Variants in FANCI observed in about 807,000 individuals in gnomAD.
FANCI encodes FA complementation group I, also known as Fanconi anemia group I protein.
A neutral mutation model predicts 176.1 loss-of-function variants in FANCI; 156 were observed. The ratio of observed to expected loss-of-function variants is 0.89; its 90% CI spans 0.78 to 1.01. FANCI has a LOEUF of 1.01. FANCI is among the 50% of genes least tolerant of loss of function. FANCI has a pLI of 0.00. For synonymous variants in FANCI, 613 were observed against 541.7 expected, an observed-to-expected ratio of 1.13 and a Z score of -1.83; for missense variants, 1,678 against 1,534.1, an observed-to-expected ratio of 1.09 and a Z score of -1.57.
chr15:89,315,287 C>T lies in FANCI; in HGVS notation c.3822C>T (p.Asn1274=), dbSNP rs1170794438. 1 of 1,611,984 alleles carries T rather than the reference C, an allele frequency of 6.2e-7. No homozygotes were observed. Among genetic ancestry groups the T allele is most frequent in the Admixed American group, 1.7e-5 (1 of 60,006 alleles). Residue 1274 remains asparagine, a synonymous_variant, in exon 37 of 38, where the codon AAC becomes AAT. Coordinates refer to ENST00000310775, the MANE Select transcript of FANCI (RefSeq NM_001113378.2). ...TGCTTACAATCTTGTCATAGGTGAA[C>T]CTGATGCAGCACATGAAGCTCAGCA... ...LIHLSKKSKV[N]LMQHMKLSTS...
chr15:89,285,986 G>GTTTTTT (rs34746984), intron 18 of FANCI, among the ~76,000 whole-genome samples: 1 of 149,672 alleles, frequency 6.7e-6, no homozygotes, highest in Admixed American at 6.7e-5. Flanking sequence ...TCCAAACTTA[G>GTTTTTT]TTTTTTTTTT....
intron 32 of FANCI, among the ~76,000 whole-genome samples, chr15:89,307,082 A>G (rs1275259010): frequency 6.6e-6 from 1 of 152,170 alleles, no homozygotes; most frequent in Non-Finnish European, 1.5e-5. Context: ...GATGTGGACC[A>G]CCCCGCATCA....
At chr15:89,314,826 A>AC (rs2055143098) in intron 36 of FANCI, 119 bp downstream of exon 36, 3 of 451,336 alleles carry the variant, frequency 6.6e-6, no homozygotes, top group Non-Finnish European at 1.1e-5. Flanking sequence ...TGTGTTTGCC[A>AC]TCCCCCCTCT....
At chr15:89,301,765 C>T (rs2054532812) in intron 27 of FANCI, among the ~76,000 whole-genome samples, 1 of 152,110 alleles carries the variant, frequency 6.6e-6, no homozygotes, top group African/African-American at 2.4e-5. Context: ...TGTTCTTTGC[C>T]ACTCTTGGTG....
In FANCI at chr15:89,316,647, T is replaced by A; in HGVS notation, c.*188T>A. 4 of 1,184,222 alleles carry A rather than the reference T, an allele frequency of 3.4e-6. No homozygotes were observed. Among genetic ancestry groups the A allele is most frequent in the Non-Finnish European group, 5.0e-6 (4 of 792,544 alleles). 73.4% of individuals were successfully genotyped at this position (1,184,222 alleles called of 1,614,324 possible). The stretch of plus-strand genomic sequence containing the variant: ...CCTGCTACTGAAAAATGGCTGGCCT[T>A]AGGCAAGCCCTTTTGCAAAAAGCAC... On this transcript the variant is annotated 3_prime_UTR_variant, in exon 38 of 38. Transcript: ENST00000310775.
chr15:89,295,058 C>T lies in FANCI; in HGVS notation c.2600C>T (p.Pro867Leu), dbSNP rs1231086524. The part of the protein sequence containing the change: ...GHVSGPDGQN[P>L]EKIFQNLCDI... ...GTGAGTGGCCCTGATGGCCAAAACC[C>T]AGAAAAGATCTTTCAGAACCTCTGT... is the stretch of plus-strand genomic sequence containing the variant. The change falls in exon 24 of 38, where the codon CCA becomes CTA. Residue 867 changes from proline to leucine, a missense_variant. Transcript: ENST00000310775. 1 of 1,551,826 alleles carries T rather than the reference C, an allele frequency of 6.4e-7. No homozygotes were observed. Among genetic ancestry groups the T allele is most frequent in the Non-Finnish European group, 8.7e-7 (1 of 1,147,066 alleles).
intron 27 of FANCI, among the ~76,000 whole-genome samples, chr15:89,302,847 ACAGGTGTGAGC>A: frequency 6.6e-6 from 1 of 152,270 alleles, no homozygotes; most frequent in Non-Finnish European, 1.5e-5. Context: ...TGCTGGGATT[ACAGGTGTGAGC>A]CACCGCGCCT....
chr15:89,301,744 T>C (rs1409785098), intron 27 of FANCI, among the ~76,000 whole-genome samples: 2 of 151,012 alleles, frequency 1.3e-5, no homozygotes, highest in Non-Finnish European at 1.5e-5. Flanking sequence ...CCTTCAACCT[T>C]CTTAAACCTG....
intron 10 of FANCI, among the ~76,000 whole-genome samples, chr15:89,269,841 C>T (rs1454281417): frequency 4.0e-5 from 6 of 150,664 alleles, no homozygotes; most frequent in Admixed American, 3.3e-4. Flanking sequence ...GACAGAGTCT[C>T]ACTGTGTCAC....
chr15:89,253,799 GA>G (rs1284463647), intron 2 of FANCI, among the ~76,000 whole-genome samples: 13 of 106,128 alleles, frequency 1.2e-4, no homozygotes, highest in East Asian at 3.5e-4. Context: ...GGGGGGGGGG[GA>G]AGATAAACTG....
rs1400541749 is a variant in FANCI at position 89,293,821 on chromosome 15, T to G, written c.2292-12T>G. 6.2e-7 allele frequency: 1 copy of G among 1,613,220 alleles called. No individual in the cohort carries two copies. Among genetic ancestry groups the G allele is most frequent in the Non-Finnish European group, 8.5e-7 (1 of 1,179,770 alleles). ...TGTTTGTCCTTAGCGGTCTCTTTTT[T>G]GTTTTTTACAGTAAGAATAGGTTTG... On this transcript the variant is annotated splice_polypyrimidine_tract_variant and intron_variant, in intron 22 of 37. Transcript: ENST00000310775.
rs543431700 is a variant in FANCI, at chr15:89,286,977, C to CTTTTTTTTTTTTTTTTTTTTTT, written c.1821+1780_1821+1781insTTTTTTTTTTTTTTTTTTTTTT. On this transcript the variant is annotated intron_variant, in intron 18 of 37. Transcript: ENST00000310775. ...TCAGCATTTGCTGCTTCACCTTGCA[C>CTTTTTTTTTTTTTTTTTTTTTT]TTTTTTTTTTTTTTTTTTTTTGAGT... Among the ~76,000 whole-genome samples the CTTTTTTTTTTTTTTTTTTTTTT allele has an allele frequency of 2.6e-4, 22 of 86,038 alleles. 1 individual carries two copies. The highest frequency in any genetic ancestry group is 8.0e-4 in the African/African-American group (17 of 21,178). The allele number at this position is 86,038 out of a possible 152,430, so 56.4% of individuals were successfully genotyped here.
At chr15:89,284,297 C>T (rs537961234) in intron 17 of FANCI, among the ~76,000 whole-genome samples, 3 of 152,182 alleles carry the variant, frequency 2.0e-5, no homozygotes, top group African/African-American at 7.2e-5. Flanking sequence ...AAATTGTCTT[C>T]ATAATTTAAA....
intron 9 of FANCI, among the ~76,000 whole-genome samples, chr15:89,265,864 C>G (rs2052927188): frequency 6.6e-6 from 1 of 152,122 alleles, no homozygotes; most frequent in South Asian, 2.1e-4. Flanking sequence ...GATGTTCATT[C>G]TGTGCCAGGG....
chr15:89,315,768 T>C (rs1364622472), intron 37 of FANCI, among the ~76,000 whole-genome samples: 1 of 152,206 alleles, frequency 6.6e-6, no homozygotes, highest in Non-Finnish European at 1.5e-5. Flanking sequence ...GGTTAAGGCT[T>C]CTTCCTTCAA....
At chr15:89,310,329 A>T (rs2054905261) in intron 34 of FANCI, among the ~76,000 whole-genome samples, 1 of 152,254 alleles carries the variant, frequency 6.6e-6, no homozygotes, top group African/African-American at 2.4e-5. Context: ...GGCTATAGTC[A>T]GTCAACCATT....
intron 27 of FANCI, among the ~76,000 whole-genome samples, chr15:89,301,966 G>A (rs767098764): frequency 6.6e-6 from 1 of 152,178 alleles, no homozygotes. Flanking sequence ...ATGTATGTTT[G>A]TGTAAGTGTG....
chr15:89,286,976 A>ATTTTTTTTTTTTTT (rs1254898312), intron 18 of FANCI, among the ~76,000 whole-genome samples: 1 of 56,052 alleles, frequency 1.8e-5, no homozygotes, highest in African/African-American at 8.3e-5. Flanking sequence ...TTCACCTTGC[A>ATTTTTTTTTTTTTT]CTTTTTTTTT....
chr15:89,279,952 T>C (rs1192852188), intron 14 of FANCI, among the ~76,000 whole-genome samples: 1 of 152,224 alleles, frequency 6.6e-6, no homozygotes, highest in African/African-American at 2.4e-5. Context: ...TACCACACAT[T>C]AGTATTCCTA....
Sources: allele counts gnomAD v4.1 joint callset (sites outside exome capture counted in the v4.1 genomes callset), GRCh38; gene constraint gnomAD v4.1.1; transcripts MANE v1.5; gene names NCBI Gene and HGNC (gene_info 2026-07-23, HGNC 2026-07-21).